KAZN: variants seen among roughly 807,000 people sequenced by gnomAD.
KAZN encodes the protein kazrin, periplakin interacting protein, also known as kazrin.
In KAZN, 40 loss-of-function variants were observed where a neutral mutation model predicts 87.4. The ratio of observed to expected loss-of-function variants is 0.46; its 90% CI spans 0.36 to 0.60. The LOEUF is 0.60. Among genes scored for constraint, KAZN ranks in the 20% least tolerant of loss-of-function variants. The pLI, the probability that KAZN is intolerant of heterozygous loss-of-function variation, is 0.00. For synonymous variants in KAZN, 466 were observed against 458.3 expected (o/e 1.02, Z -0.22); for missense variants, 898 against 1,073.9 (o/e 0.84, Z 2.29).
intron 1 of KAZN, among the ~76,000 whole-genome samples, chr1:14,049,908 C>T (rs778196474): frequency 1.4e-4 from 21 of 152,296 alleles, no homozygotes; most frequent in Admixed American, 2.6e-4. Context: ...GGGCCTGACA[C>T]GGTGGGACCT....
chr1:13,988,900 TGAGGATCC>T (rs1178276019), intron 1 of KAZN, among the ~76,000 whole-genome samples: 2 of 152,200 alleles, frequency 1.3e-5, no homozygotes, highest in Admixed American at 1.3e-4. Flanking sequence ...ACTCCTGATC[TGAGGATCC>T]CTTGGCATCT....
intron 2 of KAZN, among the ~76,000 whole-genome samples, chr1:14,560,707 A>G (rs548598507): frequency 2.0e-5 from 3 of 152,212 alleles, no homozygotes; most frequent in Admixed American, 1.3e-4. Context: ...GGTGGTGGTG[A>G]TGATGATGAT....
At chr1:14,614,271 T>C (rs927414117) in intron 1 of KAZN, among the ~76,000 whole-genome samples, 11 of 152,242 alleles carry the variant, frequency 7.2e-5, no homozygotes, top group Admixed American at 6.5e-4. Flanking sequence ...CCTGTTCCTC[T>C]GCAAACACCC....
At chr1:14,825,866 G>A (rs1646871047) in intron 1 of KAZN, among the ~76,000 whole-genome samples, 1 of 152,164 alleles carries the variant, frequency 6.6e-6, no homozygotes, top group Non-Finnish European at 1.5e-5. Context: ...GTTGTTAGTG[G>A]TTTAATTCTG....
At position 15,048,571 on chromosome 1, in the gene KAZN, T is replaced by C. The variant is rs181623357; in HGVS notation, c.726+4412T>C. On this transcript the variant is annotated intron_variant, in intron 4 of 14. Coordinates refer to ENST00000376030, the MANE Select transcript of KAZN (RefSeq NM_201628.3). Reference sequence around the variant, plus strand: ...TCCTTGGTTGTTGGTCCTGGGTCGTTGATCCTTGGTCGTTGGTCCTGGGTC... The same window carrying C: ...TCCTTGGTTGTTGGTCCTGGGTCGTCGATCCTTGGTCGTTGGTCCTGGGTC... 3.0e-3 allele frequency among the ~76,000 whole-genome samples: 450 copies of C among 151,614 alleles called. 2 individuals are homozygous for C. Among genetic ancestry groups the C allele is most frequent in the East Asian group, 0.01 (52 of 5,128 alleles).
At chr1:14,831,475 T>G (rs1647047067) in intron 1 of KAZN, among the ~76,000 whole-genome samples, 1 of 152,166 alleles carries the variant, frequency 6.6e-6, no homozygotes, top group South Asian at 2.1e-4. Context: ...AAGAAAAATG[T>G]CGAAGTTTCC....
chr1:13,944,251 C>T (rs10927961), intron 1 of KAZN, among the ~76,000 whole-genome samples: 4 of 152,056 alleles, frequency 2.6e-5, no homozygotes, highest in Admixed American at 1.3e-4. Context: ...TAGCACGCGA[C>T]GTGAAAGAAG....
intron 2 of KAZN, among the ~76,000 whole-genome samples, chr1:14,410,625 A>T (rs908425988): frequency 2.6e-5 from 4 of 152,232 alleles, no homozygotes; most frequent in Non-Finnish European, 4.4e-5. Context: ...GATGGAATTC[A>T]TATCCTGGAT....
chr1:13,902,268 C>T (rs947374527), intron 1 of KAZN, among the ~76,000 whole-genome samples: 8 of 152,196 alleles, frequency 5.3e-5, no homozygotes, highest in Admixed American at 3.3e-4. Context: ...ATTAAATGAC[C>T]GGAGGGTTTC....
At chr1:14,136,059 G>C (rs918182617) in intron 1 of KAZN, among the ~76,000 whole-genome samples, 2 of 152,074 alleles carry the variant, frequency 1.3e-5, no homozygotes, top group African/African-American at 4.8e-5. Flanking sequence ...ATGGGGGAGA[G>C]AAAGGAGACC....
At chr1:14,784,842 A>C (rs1198997667) in intron 1 of KAZN, among the ~76,000 whole-genome samples, 5 of 152,164 alleles carry the variant, frequency 3.3e-5, no homozygotes, top group Admixed American at 2.0e-4. Flanking sequence ...GCGGAAATAC[A>C]TGTGGGCACT....
At chr1:14,431,162 T>C (rs1283890788) in intron 2 of KAZN, among the ~76,000 whole-genome samples, 1 of 152,142 alleles carries the variant, frequency 6.6e-6, no homozygotes, top group African/African-American at 2.4e-5. Flanking sequence ...ATATCTGAAT[T>C]TGGCAATAAT....
chr1:15,101,625 G>A lies in KAZN; in HGVS notation c.1630G>A (p.Ala544Thr), dbSNP rs1241708468. The change falls in exon 11 of 15, where the codon GCC becomes ACC. Residue 544 changes from alanine to threonine, a missense_variant. By Grantham distance (58) the Ala-to-Thr change is moderately conservative. Around this residue, in one of 3 missense-constraint regions of KAZN, gnomAD observed 521 missense variants for 689.4 expected, o/e 0.76. Transcript: ENST00000376030. Reference sequence around the variant, plus strand: ...CATTGGCCTGTCCCAGTACTCCCAGGCCTTTCAGAACCACCTGGTTGATGG... The same window carrying A: ...CATTGGCCTGTCCCAGTACTCCCAGACCTTTCAGAACCACCTGGTTGATGG... The part of the protein sequence containing the change: ...NDIGLSQYSQ[A>T]FQNHLVDGRM... The A allele has an allele frequency of 1.9e-6, 3 of 1,561,982 alleles. No homozygotes were observed. The highest frequency in any genetic ancestry group is 1.7e-6 in the Non-Finnish European group (2 of 1,152,520).
At chr1:15,042,154 G>A (rs1241791685) in intron 3 of KAZN, among the ~76,000 whole-genome samples, 3 of 152,142 alleles carry the variant, frequency 2.0e-5, no homozygotes, top group African/African-American at 4.8e-5. Context: ...CAGTGACTGC[G>A]ATGAGACAAA....
chr1:14,355,167 A>G (rs2100956956), intron 2 of KAZN, among the ~76,000 whole-genome samples: 1 of 152,326 alleles, frequency 6.6e-6, no homozygotes, highest in African/African-American at 2.4e-5. Context: ...TTAAAAATCA[A>G]GAAAATGGTT....
chr1:14,178,194 C>T (rs1646125670), intron 1 of KAZN, among the ~76,000 whole-genome samples: 3 of 152,132 alleles, frequency 2.0e-5, no homozygotes, highest in Admixed American at 2.0e-4. Flanking sequence ...GAGGCCTCCC[C>T]AGCCATGCGG....
chr1:14,763,462 G>C (rs1343733783), intron 1 of KAZN, among the ~76,000 whole-genome samples: 1 of 152,196 alleles, frequency 6.6e-6, no homozygotes, highest in Non-Finnish European at 1.5e-5. Context: ...AATAACATTT[G>C]TACCCAGCTA....
intron 1 of KAZN, among the ~76,000 whole-genome samples, chr1:14,105,068 C>CTGTGTCAAAAATCTG (rs762920444): frequency 3.9e-5 from 6 of 152,184 alleles, no homozygotes; most frequent in African/African-American, 1.4e-4. Flanking sequence ...AAGGGATACA[C>CTGTGTCAAAAATCTG]TGTGCTCTAT....
intron 2 of KAZN, among the ~76,000 whole-genome samples, chr1:14,557,421 A>G (rs1263878832): frequency 6.6e-6 from 1 of 152,198 alleles, no homozygotes; most frequent in East Asian, 1.9e-4. Context: ...TAGGTGCCAG[A>G]TACATAAATG....
Sources: allele counts gnomAD v4.1 joint callset (sites outside exome capture counted in the v4.1 genomes callset), GRCh38; gene constraint gnomAD v4.1.1; regional missense constraint gnomAD v4.1.1; transcripts MANE v1.5; gene names NCBI Gene and HGNC (gene_info 2026-07-23, HGNC 2026-07-21).